KCND3: variants seen among roughly 807,000 people sequenced by gnomAD.
The protein encoded by KCND3 is potassium voltage-gated channel subfamily D member 3.
In KCND3, 9 loss-of-function variants were observed where a neutral mutation model predicts 51.1. The ratio of observed to expected loss-of-function variants is 0.18; its 90% CI spans 0.11 to 0.31. The LOEUF is 0.31. Ranked by LOEUF, KCND3 falls within the 10% of genes least tolerant of loss-of-function variation. KCND3 has a pLI of 1.00. For synonymous variants in KCND3, 349 were observed against 368.0 expected (o/e 0.95, Z 0.59); for missense variants, 526 against 903.8 (o/e 0.58, Z 5.36).
intron 2 of KCND3, among the ~76,000 whole-genome samples, chr1:111,872,457 C>T (rs545879772): frequency 1.9e-4 from 29 of 152,286 alleles, no homozygotes; most frequent in African/African-American, 6.7e-4. Flanking sequence ...TTATCATTAA[C>T]ATTCTATGGA....
At position 111,800,345 on chromosome 1, in the gene KCND3, A is replaced by G. The variant is rs557080434; in HGVS notation, c.1107-13239T>C. The stretch of plus-strand genomic sequence containing the variant: ...TGTTAAACAGATGCTTGAAGGCAGC[A>G]TGCTCGTTAAGAGTCATCACCAATC... On this transcript the variant is annotated intron_variant, in intron 2 of 7. Coordinates refer to ENST00000302127, the MANE Select transcript of KCND3 (RefSeq NM_001378969.1). 4.3e-4 allele frequency among the ~76,000 whole-genome samples: 39 copies of G among 91,580 alleles called. 3 individuals carry two copies. In the East Asian group the frequency reaches 7.9e-3, roughly 19 times the overall value. 60.1% of individuals were successfully genotyped at this position (91,580 alleles called of 152,430 possible). A position where few individuals can be genotyped will look rare whatever the true frequency, so the allele number is the denominator to read the frequency against.
chr1:111,847,554 G>A (rs115308464), intron 2 of KCND3, among the ~76,000 whole-genome samples: 10 of 152,304 alleles, frequency 6.6e-5, no homozygotes, highest in African/African-American at 1.9e-4. Context: ...GTGCGTGCCC[G>A]CGTGCATATG....
At chr1:111,807,506 T>C (rs1392557789) in intron 2 of KCND3, among the ~76,000 whole-genome samples, 1 of 152,150 alleles carries the variant, frequency 6.6e-6, no homozygotes, top group African/African-American at 2.4e-5. Flanking sequence ...TGAAACCCCA[T>C]CTCTACAAAA....
chr1:111,930,520 C>T (rs774242412), intron 2 of KCND3, among the ~76,000 whole-genome samples: 32 of 152,224 alleles, frequency 2.1e-4, no homozygotes, highest in Non-Finnish European at 3.8e-4. Context: ...AGCCCCTGGA[C>T]CTGGGTAAGG....
chr1:111,915,659 A>G (rs1466405550), intron 2 of KCND3, among the ~76,000 whole-genome samples: 1 of 150,646 alleles, frequency 6.6e-6, no homozygotes, highest in Non-Finnish European at 1.5e-5. Context: ...AGGCTGAGGC[A>G]GGAGAATGGC....
rs140516164 is a variant in KCND3 at position 111,967,683 on chromosome 1, C to T, written c.1106+13938G>A. On this transcript the variant is annotated intron_variant, in intron 2 of 7. Transcript: ENST00000302127. ...CCCCAGTGCGCTACCTTCTTAGGGG[C>T]TGGTTCTCCAGGGTAAGGATTATCC... is the stretch of plus-strand genomic sequence containing the variant. Among the ~76,000 whole-genome samples, 121 of 152,338 alleles carry T rather than the reference C, an allele frequency of 7.9e-4. 1 individual carries two copies. The highest frequency in any genetic ancestry group is 1.4e-3 in the Non-Finnish European group (98 of 68,018).
At chr1:111,962,698 T>C (rs1156545168) in intron 2 of KCND3, among the ~76,000 whole-genome samples, 1 of 152,242 alleles carries the variant, frequency 6.6e-6, no homozygotes, top group Non-Finnish European at 1.5e-5. Flanking sequence ...ACATGGTTCA[T>C]GGTTAGGACC....
At chr1:111,811,385 T>C (rs148066629) in intron 2 of KCND3, among the ~76,000 whole-genome samples, 1 of 152,008 alleles carries the variant, frequency 6.6e-6, no homozygotes, top group African/African-American at 2.4e-5. Flanking sequence ...TACACCAAGA[T>C]GAAAGTTGAT....
chr1:111,778,766 C>A (rs1376751342), intron 5 of KCND3, among the ~76,000 whole-genome samples: 1 of 152,114 alleles, frequency 6.6e-6, no homozygotes, highest in Non-Finnish European at 1.5e-5. Context: ...AACATTCCTC[C>A]CCTAAAATCC....
chr1:111,854,567 G>A (rs650029), intron 2 of KCND3, among the ~76,000 whole-genome samples: 27,578 of 152,190 alleles, frequency 0.18, 2,821 homozygotes, highest in Non-Finnish European at 0.25. Flanking sequence ...AAAGGCAGGC[G>A]TCGGGTGAGA....
intron 2 of KCND3, among the ~76,000 whole-genome samples, chr1:111,977,417 G>A (rs1674693214): frequency 6.6e-6 from 1 of 152,146 alleles, no homozygotes; most frequent in Non-Finnish European, 1.5e-5. Flanking sequence ...ATCACCTGGA[G>A]GCGGCTTCCT....
At chr1:111,859,916 T>A (rs1467762691) in intron 2 of KCND3, among the ~76,000 whole-genome samples, 1 of 152,232 alleles carries the variant, frequency 6.6e-6, no homozygotes, top group African/African-American at 2.4e-5. Flanking sequence ...CTACTGATGA[T>A]GCCAGGGTGG....
At chr1:111,818,040 G>A (rs1304848669) in intron 2 of KCND3, among the ~76,000 whole-genome samples, 1 of 147,962 alleles carries the variant, frequency 6.8e-6, no homozygotes, top group African/African-American at 2.5e-5. Context: ...ACACGCGCGT[G>A]CACACACACA....
chr1:111,843,039 T>C (rs1004279660), intron 2 of KCND3, among the ~76,000 whole-genome samples: 3 of 152,226 alleles, frequency 2.0e-5, no homozygotes, highest in African/African-American at 7.2e-5. Flanking sequence ...GTTATTACAT[T>C]GTCTGGATTG....
At chr1:111,945,097 GC>G (rs1447167710) in intron 2 of KCND3, among the ~76,000 whole-genome samples, 1 of 152,206 alleles carries the variant, frequency 6.6e-6, no homozygotes. Flanking sequence ...GAACCACACA[GC>G]CCCACCCACG....
intron 2 of KCND3, among the ~76,000 whole-genome samples, chr1:111,935,461 C>T (rs1449610086): frequency 6.6e-6 from 1 of 151,818 alleles, no homozygotes; most frequent in East Asian, 1.9e-4. Flanking sequence ...CTTTTAATTT[C>T]CTTATTTGAT....
intron 2 of KCND3, among the ~76,000 whole-genome samples, chr1:111,857,792 A>G (rs1668149666): frequency 6.6e-6 from 1 of 151,306 alleles, no homozygotes; most frequent in South Asian, 2.1e-4. Flanking sequence ...TTGACTCTCC[A>G]TCTTCTAATA....
intron 2 of KCND3, among the ~76,000 whole-genome samples, chr1:111,892,693 A>G (rs193288309): frequency 6.6e-6 from 1 of 152,340 alleles, no homozygotes; most frequent in Admixed American, 6.5e-5. Context: ...ATGTGATCGG[A>G]TGGAGTGGGG....
At chr1:111,955,480 G>A (rs763362225) in intron 2 of KCND3, among the ~76,000 whole-genome samples, 11 of 152,128 alleles carry the variant, frequency 7.2e-5, no homozygotes, top group Admixed American at 1.3e-4. Flanking sequence ...TCCCTGGGAG[G>A]GTAAATCATC....
Sources: allele counts gnomAD v4.1 joint callset (sites outside exome capture counted in the v4.1 genomes callset), GRCh38; gene constraint gnomAD v4.1.1; transcripts MANE v1.5; gene names NCBI Gene and HGNC (gene_info 2026-07-23, HGNC 2026-07-21).